Variants in PARVA observed in about 807,000 individuals in gnomAD.
PARVA encodes parvin alpha, also known as alpha-parvin.
Under a neutral mutation model 52.6 loss-of-function variants are expected in PARVA, and 25 were observed. The observed-to-expected ratio is 0.48, with a 90% CI of 0.35 to 0.66. The LOEUF is 0.66. PARVA is among the 30% of genes least tolerant of loss of function. The pLI, the probability that PARVA is intolerant of heterozygous loss-of-function variation, is 0.01. For synonymous variants in PARVA, 185 were observed against 179.1 expected, an observed-to-expected ratio of 1.03 and a Z score of -0.26; for missense variants, 373 against 450.9, an observed-to-expected ratio of 0.83 and a Z score of 1.56.
intron 1 of PARVA, among the ~76,000 whole-genome samples, chr11:12,472,446 G>A (rs1940946710): frequency 6.6e-6 from 1 of 150,446 alleles, no homozygotes; most frequent in African/African-American, 2.4e-5. Context: ...GGTGGTGACT[G>A]GCTGGTACCC....
intron 10 of PARVA, 29 bp from the exon 11 acceptor site, chr11:12,517,581 C>A: frequency 6.7e-7 from 1 of 1,493,210 alleles, no homozygotes; most frequent in Non-Finnish European, 9.2e-7. Context: ...GGCTCAGGGG[C>A]CAGTGCCATC....
chr11:12,513,264 T>G (rs749224527), intron 8 of PARVA, 35 bp from the exon 9 acceptor site: 2 of 1,607,208 alleles, frequency 1.2e-6, no homozygotes, highest in Admixed American at 3.3e-5. Context: ...AGGGATCAGC[T>G]CTTGTGCTCC....
intron 1 of PARVA, among the ~76,000 whole-genome samples, chr11:12,381,601 C>T (rs1402468540): frequency 6.6e-6 from 1 of 152,232 alleles, no homozygotes; most frequent in African/African-American, 2.4e-5. Context: ...TCCCCACAAA[C>T]TTAACTGCTA....
At chr11:12,521,842 A>G (rs1941640331) in intron 12 of PARVA, among the ~76,000 whole-genome samples, 1 of 152,182 alleles carries the variant, frequency 6.6e-6, no homozygotes, top group Non-Finnish European at 1.5e-5. Flanking sequence ...GGGTTAGAAC[A>G]TGAGTAACTA....
chr11:12,495,204 A>T (rs1564862015), intron 4 of PARVA, among the ~76,000 whole-genome samples: 1 of 152,182 alleles, frequency 6.6e-6, no homozygotes, highest in East Asian at 1.9e-4. Context: ...AACTAAAGAG[A>T]ACATTTCAGG....
At chr11:12,447,694 C>G (rs1940566040) in intron 1 of PARVA, among the ~76,000 whole-genome samples, 1 of 152,182 alleles carries the variant, frequency 6.6e-6, no homozygotes, top group Non-Finnish European at 1.5e-5. Context: ...TATGAATACT[C>G]TGAGTACAGT....
chr11:12,515,066 C>T (rs1377915546), intron 10 of PARVA, among the ~76,000 whole-genome samples: 1 of 152,198 alleles, frequency 6.6e-6, no homozygotes, highest in Non-Finnish European at 1.5e-5. Flanking sequence ...GTGTTCTTCC[C>T]GGGGCATCCC....
rs1184945840 is a variant in PARVA at position 12,531,808 on chromosome 11, AAGAG to A, written c.*3886_*3889del. Among the ~76,000 whole-genome samples, 1 of 152,094 alleles carries A rather than the reference AAGAG, an allele frequency of 6.6e-6. No individual in the cohort carries two copies. Among genetic ancestry groups the A allele is most frequent in the East Asian group, 1.9e-4 (1 of 5,194 alleles). ...GAGAATTGCTGCAGCTGCTGAAAAC[AAGAG>A]AGCTGCATTAAGCTGCAAGGCCGGG... On this transcript the variant is annotated 3_prime_UTR_variant, in exon 13 of 13. Transcript: ENST00000334956.
intron 1 of PARVA, among the ~76,000 whole-genome samples, chr11:12,410,676 A>G (rs1486722437): frequency 6.6e-6 from 1 of 152,236 alleles, no homozygotes; most frequent in African/African-American, 2.4e-5. Context: ...AGCTGCCAGA[A>G]TGTTCATTCC....
intron 1 of PARVA, among the ~76,000 whole-genome samples, chr11:12,430,663 C>T (rs565811116): frequency 3.5e-4 from 54 of 152,152 alleles, no homozygotes; most frequent in Non-Finnish European, 6.9e-4. Context: ...TAAGACCTTT[C>T]CATCTCACCC....
At chr11:12,479,594 C>T (rs1423886740) in intron 4 of PARVA, 2 of 152,324 alleles carry the variant, frequency 1.3e-5, no homozygotes, top group East Asian at 3.9e-4. Flanking sequence ...GCCACTGCGC[C>T]TGGCCCTATA....
Position 12,473,347 on chromosome 11 carries a change from C to T in PARVA, c.137-398C>T, listed in dbSNP as rs540123207. 5.3e-5 allele frequency among the ~76,000 whole-genome samples: 8 copies of T among 152,268 alleles called. No homozygotes were observed. The South Asian group carries it at 1.7e-3, about 32-fold the overall frequency. On this transcript the variant is annotated intron_variant, in intron 1 of 12. Transcript: ENST00000334956. ...TACATATAGCCTCAAACCCATGACCCCATTCATCCTGTCAGCACACAGTCG... is the reference window on the plus strand; with the variant it reads ...TACATATAGCCTCAAACCCATGACCTCATTCATCCTGTCAGCACACAGTCG...
At chr11:12,507,578 A>G (rs985175455) in intron 6 of PARVA, among the ~76,000 whole-genome samples, 2 of 151,888 alleles carry the variant, frequency 1.3e-5, no homozygotes. Context: ...CATTCCTCCC[A>G]TTGAAATAAC....
intron 1 of PARVA, among the ~76,000 whole-genome samples, chr11:12,450,122 A>G (rs1160182765): frequency 6.6e-6 from 1 of 152,202 alleles, no homozygotes; most frequent in Non-Finnish European, 1.5e-5. Context: ...TGAGAGAGTT[A>G]AGTAACTTGC....
chr11:12,510,191 G>A (rs1366160963), intron 7 of PARVA, among the ~76,000 whole-genome samples: 1 of 152,152 alleles, frequency 6.6e-6, no homozygotes, highest in Non-Finnish European at 1.5e-5. Context: ...CCAAGGGTGA[G>A]GAAGGAGACT....
At chr11:12,420,147 A>G (rs1324773704) in intron 1 of PARVA, among the ~76,000 whole-genome samples, 1 of 152,232 alleles carries the variant, frequency 6.6e-6, no homozygotes, top group East Asian at 1.9e-4. Flanking sequence ...ACAGGAATGA[A>G]GACTTTAGGA....
At chr11:12,430,376 T>G (rs547949477) in intron 1 of PARVA, among the ~76,000 whole-genome samples, 1 of 152,312 alleles carries the variant, frequency 6.6e-6, no homozygotes, top group South Asian at 2.1e-4. Context: ...CCCTGAAAAT[T>G]TAACATTTGA....
intron 5 of PARVA, among the ~76,000 whole-genome samples, chr11:12,497,844 A>G (rs1402121265): frequency 6.6e-6 from 1 of 152,174 alleles, no homozygotes. Flanking sequence ...TTAAAAATCC[A>G]CAATAGTCAT....
chr11:12,379,043 GGATTATTCATGTCTCCTCTTTTTA>G (rs1385023524), intron 1 of PARVA, among the ~76,000 whole-genome samples: 5 of 152,144 alleles, frequency 3.3e-5, no homozygotes, highest in African/African-American at 4.8e-5. Flanking sequence ...AACAAGGGGT[GGATTATTCATGTCTCCTCTTTTTA>G]GACCATATAG....
Sources: gnomAD v4.1 joint callset for allele counts (sites outside exome capture counted in the v4.1 genomes callset) on GRCh38, gnomAD v4.1.1 for gene constraint, MANE v1.5 for transcripts, NCBI Gene and HGNC (gene_info 2026-07-23, HGNC 2026-07-21) for gene names.